Variants in ABCF3 observed in about 807,000 individuals in gnomAD.
ABCF3 encodes ATP-binding cassette sub-family F member 3.
A neutral mutation model predicts 94.3 loss-of-function variants in ABCF3; 62 were observed. That is an observed-to-expected ratio of 0.66 (90% CI 0.54 to 0.81). The LOEUF is 0.81. Among genes scored for constraint, ABCF3 ranks in the 40% least tolerant of loss-of-function variants. The pLI, the probability that ABCF3 is intolerant of heterozygous loss-of-function variation, is 0.00. For missense variants in ABCF3, 843 were observed against 925.3 expected, an observed-to-expected ratio of 0.91 and a Z score of 1.15; for synonymous variants, 355 against 361.1, an observed-to-expected ratio of 0.98 and a Z score of 0.19.
chr3:184,193,897 C>A lies in ABCF3; in HGVS notation c.*199C>A, dbSNP rs972000410. 1.8e-5 allele frequency: 12 copies of A among 663,346 alleles called. No homozygotes were observed. Among genetic ancestry groups the A allele is most frequent in the Admixed American group, 3.4e-5 (1 of 29,580 alleles). The allele number at this position is 663,346 out of a possible 1,614,324, so 41.1% of individuals were successfully genotyped here. On this transcript the variant is annotated 3_prime_UTR_variant, in exon 21 of 21. Coordinates refer to ENST00000429586, the MANE Select transcript of ABCF3 (RefSeq NM_018358.3). This position sits in a 1 kb window ranked among gnomAD's most constrained non-coding sequence, Gnocchi z 5.2. ...CAAGGGTTGGTGAGGACTGGTCTCC[C>A]GGGGGTGGGGGTCTGGGGGGTACCC...
At position 184,189,142 on chromosome 3, in the gene ABCF3, T is replaced by G. The variant is rs1376407867; in HGVS notation, c.1032T>G (p.Ala344=). The G allele has an allele frequency of 1.9e-6, 3 of 1,614,066 alleles. No homozygotes were observed. The highest frequency in any genetic ancestry group is 2.2e-5 in the South Asian group (2 of 91,090). ...MRLALARALF[A]RPDLLLLDEP... ...TGGCCCTGGCCCGGGCCCTCTTTGC[T>G]AGGTGAGTCTCCTGGGCCAGTGTAT... The change falls in exon 10 of 21, where the codon GCT becomes GCG. Residue 344 remains alanine, a splice_region_variant and synonymous_variant. Coordinates refer to ENST00000429586, the MANE Select transcript of ABCF3 (RefSeq NM_018358.3).
Position 184,193,701 on chromosome 3 carries a change from C to A in ABCF3, c.*3C>A. 1 of 1,602,096 alleles carries A rather than the reference C, an allele frequency of 6.2e-7. No individual in the cohort carries two copies. The highest frequency in any genetic ancestry group is 1.1e-5 in the South Asian group (1 of 89,484). The stretch of plus-strand genomic sequence containing the variant: ...TCCGCCGCGAAGGCTTCCTCTAGGG[C>A]CACCAGGCTGAGGACTCGCCCAGGA... On this transcript the variant is annotated 3_prime_UTR_variant, in exon 21 of 21. Transcript: ENST00000429586. The surrounding 1 kb of genome is among the most constrained non-coding windows in gnomAD (Gnocchi z 5.2).
chr3:184,187,601 C>A, intron 4 of ABCF3, 63 bp from the exon 5 acceptor site: 1 of 1,590,746 alleles, frequency 6.3e-7, no homozygotes, highest in Non-Finnish European at 8.6e-7. Flanking sequence ...TCGAGATGTT[C>A]TCTCTTGGGG....
rs188823250 is a variant in ABCF3 at position 184,193,557 on chromosome 3, G to A, written c.1989G>A (p.Val663=). 41 of 1,614,202 alleles carry A rather than the reference G, an allele frequency of 2.5e-5. No homozygotes were observed. The African/African-American group carries it at 4.8e-4, about 19-fold the overall frequency. The change falls in exon 21 of 21, where the codon GTG becomes GTA. Residue 663 remains valine (V), a synonymous_variant. Transcript: ENST00000429586. This position sits in a 1 kb window ranked among gnomAD's most constrained non-coding sequence, Gnocchi z 5.2. ...LNNFRGGVIL[V]SHDERFIRLV... Reference sequence around the variant, plus strand: ...TCTTTCAGGGTGGTGTGATTCTGGTGTCCCACGATGAGCGCTTTATCAGGC... The same window carrying A: ...TCTTTCAGGGTGGTGTGATTCTGGTATCCCACGATGAGCGCTTTATCAGGC...
At chr3:184,187,791 A>G (rs772784588) in intron 5 of ABCF3, 30 bp downstream of exon 5, 3 of 1,614,152 alleles carry the variant, frequency 1.9e-6, no homozygotes, top group Non-Finnish European at 2.5e-6. Flanking sequence ...CTCAGAAGAG[A>G]GCAGAGCAGC....
In ABCF3 at chr3:184,187,657, C is replaced by T. The variant is rs1297249294; in HGVS notation, c.349-7C>T. On this transcript the variant is annotated splice_region_variant and splice_polypyrimidine_tract_variant and intron_variant, in intron 4 of 20. Coordinates refer to ENST00000429586, the MANE Select transcript of ABCF3 (RefSeq NM_018358.3). ...CGAGAGTGAAGTCGATGTGTTTGGACCCTTAGACAGTGAATGCAAAGAAGT... is the reference window on the plus strand; with the variant it reads ...CGAGAGTGAAGTCGATGTGTTTGGATCCTTAGACAGTGAATGCAAAGAAGT... The T allele has an allele frequency of 6.2e-7, 1 of 1,614,026 alleles. No homozygotes were observed. Among genetic ancestry groups the T allele is most frequent in the East Asian group, 2.2e-5 (1 of 44,900 alleles).
In ABCF3 at chr3:184,187,895, A is replaced by G. The variant is rs1280268862; in HGVS notation, c.481A>G (p.Ser161Gly). The G allele has an allele frequency of 1.2e-6, 2 of 1,614,230 alleles. No homozygotes were observed. The highest frequency in any genetic ancestry group is 1.7e-6 in the Non-Finnish European group (2 of 1,180,050). The change falls in exon 6 of 21, where the codon AGC becomes GGC. Residue 161 changes from serine to glycine, a missense_variant. Physicochemically the swap from Ser to Gly is moderately conservative, Grantham distance 56. Transcript: ENST00000429586. ...AGAGGCATCAGCCAGCCAGGCAGGCAGCAGAAAGGAGAGTCGGTTGGAATC... is the reference window on the plus strand; with the variant it reads ...AGAGGCATCAGCCAGCCAGGCAGGCGGCAGAAAGGAGAGTCGGTTGGAATC... ...LEEASASQAG[S>G]RKESRLESSG... is the part of the protein sequence containing the mutation.
In ABCF3 at chr3:184,187,748, ACCAGCAACC is replaced by A; in HGVS notation, c.435_443del (p.Ser146_Pro148del). On this transcript the variant is annotated inframe_deletion, in exon 5 of 21. Transcript: ENST00000429586. ...GCGCTCAGAGAAGGACACGCTCAAG[ACCAGCAACC>A]CTCTGTGAGTGGGGGAAGCATGGCT... 1 of 1,614,202 alleles carries A rather than the reference ACCAGCAACC, an allele frequency of 6.2e-7. No individual in the cohort carries two copies. Among genetic ancestry groups the A allele is most frequent in the Non-Finnish European group, 8.5e-7 (1 of 1,180,044 alleles).
chr3:184,186,234 G>T lies in ABCF3; in HGVS notation c.27G>T (p.Arg9=). 2 of 1,614,224 alleles carry T rather than the reference G, an allele frequency of 1.2e-6. No individual in the cohort carries two copies. Among genetic ancestry groups the T allele is most frequent in the Non-Finnish European group, 1.7e-6 (2 of 1,180,046 alleles). Residue 9 remains arginine (R), a synonymous_variant, in exon 1 of 21, where the codon CGG becomes CGT. Transcript: ENST00000429586. ...TGGCGACTTGCGCCGAAATCCTGCG[G>T]AGCGAGTTCCCCGAAATTGACGGAC... MATCAEIL[R]SEFPEIDGQV... is the part of the protein sequence containing the mutation.
At position 184,193,357 on chromosome 3, in the gene ABCF3, C is replaced by G. The variant is rs1387770008; in HGVS notation, c.1884-8C>G. On this transcript the variant is annotated splice_region_variant and splice_polypyrimidine_tract_variant and intron_variant, in intron 19 of 20. Coordinates refer to ENST00000429586, the MANE Select transcript of ABCF3 (RefSeq NM_018358.3). The surrounding 1 kb of genome is among the most constrained non-coding windows in gnomAD (Gnocchi z 5.2). The stretch of plus-strand genomic sequence containing the variant: ...TTCACTGCCCACCTTCCTGGTTCTG[C>G]CTTCCAGCCCCAACTTCTACATTCT... The G allele has an allele frequency of 1.9e-6, 3 of 1,614,164 alleles. No individual in the cohort carries two copies. The highest frequency in any genetic ancestry group is 2.5e-6 in the Non-Finnish European group (3 of 1,180,022).
At position 184,189,930 on chromosome 3, in the gene ABCF3, C is replaced by T. The variant is rs755830996; in HGVS notation, c.1390C>T (p.Leu464=). 2 of 1,614,190 alleles carry T rather than the reference C, an allele frequency of 1.2e-6. No individual in the cohort carries two copies. Among genetic ancestry groups the T allele is most frequent in the Non-Finnish European group, 1.7e-6 (2 of 1,180,014 alleles). ...GAGTAAACTCAAGATGCTGGAGAAG[C>T]TGTGAGTACAGCATCCTTGGCCAGG... is the stretch of plus-strand genomic sequence containing the variant. ...VQSKLKMLEK[L]PELKPVDKES... Residue 464 remains leucine (L), a splice_region_variant and synonymous_variant, in exon 14 of 21, where the codon CTG becomes TTG. Coordinates refer to ENST00000429586, the MANE Select transcript of ABCF3 (RefSeq NM_018358.3).
Position 184,193,240 on chromosome 3 carries a change from G to A in ABCF3, c.1883+6G>A. ...GCTCAGATGACTATGCCCTGGTGAG[G>A]CCTCATTTTCCAGAGCTCTTCCCCT... On this transcript the variant is annotated splice_donor_region_variant and intron_variant, in intron 19 of 20. Transcript: ENST00000429586. This position sits in a 1 kb window ranked among gnomAD's most constrained non-coding sequence, Gnocchi z 5.2. 1 of 1,572,998 alleles carries A rather than the reference G, an allele frequency of 6.4e-7. No individual in the cohort carries two copies. The highest frequency in any genetic ancestry group is 8.6e-7 in the Non-Finnish European group (1 of 1,160,002).
chr3:184,193,795 A>G lies in ABCF3; in HGVS notation c.*97A>G. 2 of 1,342,436 alleles carry G rather than the reference A, an allele frequency of 1.5e-6. No individual in the cohort carries two copies. Among genetic ancestry groups the G allele is most frequent in the Non-Finnish European group, 2.0e-6 (2 of 999,396 alleles). 83.2% of individuals were successfully genotyped at this position (1,342,436 alleles called of 1,614,324 possible). A position where few individuals can be genotyped will look rare whatever the true frequency, so the allele number is the denominator to read the frequency against. ...CACTCCAGGCCGTGGACTTCCCCCAACTTGGGGACAGCCTTATTCCCAAAT... is the reference window on the plus strand; with the variant it reads ...CACTCCAGGCCGTGGACTTCCCCCAGCTTGGGGACAGCCTTATTCCCAAAT... On this transcript the variant is annotated 3_prime_UTR_variant, in exon 21 of 21. Transcript: ENST00000429586. The surrounding 1 kb of genome is among the most constrained non-coding windows in gnomAD (Gnocchi z 5.2).
Position 184,188,380 on chromosome 3 carries a change from A to C in ABCF3, c.809A>C (p.Glu270Ala), listed in dbSNP as rs1354765075. ...VREDLLRRERELTAQIAAGRA... is the reference protein window; with the variant it reads ...VREDLLRRERALTAQIAAGRA... Reference sequence around the variant, plus strand: ...GAGGATTTGCTACGGAGGGAGCGGGAGCTCACTGCCCAGATTGCTGCTGGC... The same window carrying C: ...GAGGATTTGCTACGGAGGGAGCGGGCGCTCACTGCCCAGATTGCTGCTGGC... The change falls in exon 7 of 21, where the codon GAG becomes GCG. Residue 270 changes from glutamate to alanine, a missense_variant. Glu to Ala is a moderately radical substitution (Grantham distance 107). Transcript: ENST00000429586. 6.2e-7 allele frequency: 1 copy of C among 1,611,744 alleles called. No homozygotes were observed. The highest frequency in any genetic ancestry group is 1.7e-5 in the Admixed American group (1 of 60,012).
chr3:184,186,773 G>A, intron 2 of ABCF3, 23 bp from the exon 3 acceptor site: 8 of 1,609,968 alleles, frequency 5.0e-6, no homozygotes, highest in Non-Finnish European at 6.8e-6. Flanking sequence ...CTAACTCTGC[G>A]CTTTCTATCC....
rs1473426106 is a variant in ABCF3 at position 184,187,188 on chromosome 3, T to TCG, written c.302-209_302-208insCG. 27 of 680,082 alleles carry TCG rather than the reference T, an allele frequency of 4.0e-5. 1 individual carries two copies. The highest frequency in any genetic ancestry group is 5.8e-5 in the Non-Finnish European group (23 of 395,754). The allele number at this position is 680,082 out of a possible 1,614,324, so 42.1% of individuals were successfully genotyped here. A position where few individuals can be genotyped will look rare whatever the true frequency, so the allele number is the denominator to read the frequency against. ...AAGAGTTGGTTATCTGTCCCCAGCC[T>TCG]TGTCTATGCCTCTGTATCCTTCTAC... On this transcript the variant is annotated intron_variant, in intron 3 of 20. Coordinates refer to ENST00000429586, the MANE Select transcript of ABCF3 (RefSeq NM_018358.3).
intron 2 of ABCF3, 67 bp downstream of exon 2, chr3:184,186,721 G>C (rs1715644943): frequency 1.1e-5 from 17 of 1,591,512 alleles, no homozygotes; most frequent in Non-Finnish European, 1.5e-5. Flanking sequence ...ACAAGAGGTG[G>C]GGGAGGAAGA....
Position 184,192,603 on chromosome 3 carries a change from T to C in ABCF3, c.1572T>C (p.Val524=). The change falls in exon 17 of 21, where the codon GTT becomes GTC. Residue 524 remains valine (V), a splice_region_variant and synonymous_variant. Transcript: ENST00000429586. ...ATGACATTTTCATGTTTCTTAAGGT[T>C]GGAGAGAATGGGGCTGGGAAGTCTA... The part of the protein sequence containing the change: ...SADLESRICV[V]GENGAGKSTM... 6.2e-7 allele frequency: 1 copy of C among 1,608,836 alleles called. No individual in the cohort carries two copies. The highest frequency in any genetic ancestry group is 8.5e-7 in the Non-Finnish European group (1 of 1,178,826).
intron 16 of ABCF3, among the ~76,000 whole-genome samples, chr3:184,191,570 C>T (rs1716023762): frequency 6.6e-6 from 1 of 152,196 alleles, no homozygotes; most frequent in Non-Finnish European, 1.5e-5. Flanking sequence ...GCTTCAGGGT[C>T]AGACTTCGGA....
Sources: gnomAD v4.1 joint callset for allele counts (sites outside exome capture counted in the v4.1 genomes callset) on GRCh38, gnomAD v4.1.1 for gene constraint, Gnocchi (gnomAD v3.1) non-coding constraint, MANE v1.5 for transcripts, NCBI Gene and HGNC (gene_info 2026-07-23, HGNC 2026-07-21) for gene names.